SYNPR: variants seen among roughly 807,000 people sequenced by gnomAD.
SYNPR encodes the protein synaptoporin.
Under a neutral mutation model 32.9 loss-of-function variants are expected in SYNPR, and 23 were observed. The observed-to-expected ratio is 0.70, with a 90% CI of 0.50 to 0.99. The LOEUF is 0.99. SYNPR is among the 50% of genes least tolerant of loss of function. The pLI is 0.00. For synonymous variants in SYNPR, 146 were observed against 135.9 expected, an observed-to-expected ratio of 1.07 and a Z score of -0.52; for missense variants, 318 against 349.3, an observed-to-expected ratio of 0.91 and a Z score of 0.71.
At chr3:63,462,977 G>A (rs1173012852) in intron 2 of SYNPR, among the ~76,000 whole-genome samples, 5 of 152,232 alleles carry the variant, frequency 3.3e-5, no homozygotes, top group Admixed American at 3.3e-4. Context: ...TTCCTGTCAG[G>A]CTCCTTTGCT....
intron 4 of SYNPR, among the ~76,000 whole-genome samples, chr3:63,574,254 G>A (rs567361097): frequency 3.2e-4 from 48 of 152,236 alleles, no homozygotes; most frequent in African/African-American, 1.0e-3. Context: ...CATTTTGCCT[G>A]TGGCCTCACA....
chr3:63,445,642 G>A (rs193203299), intron 2 of SYNPR: 1 of 627,658 alleles, frequency 1.6e-6, no homozygotes, highest in Middle Eastern at 2.5e-4. Flanking sequence ...CTTTAATCTT[G>A]ACAAGCACTC....
the SYNPR span, among the ~76,000 whole-genome samples, chr3:63,204,730 C>T: frequency 3.3e-5 from 5 of 152,004 alleles, no homozygotes; most frequent in African/African-American, 7.3e-5. Context: ...GTCACCCAGG[C>T]TGGAGTGCAG....
At chr3:63,470,178 A>AGTATATACT (rs1469406958) in intron 2 of SYNPR, among the ~76,000 whole-genome samples, 1 of 152,220 alleles carries the variant, frequency 6.6e-6, no homozygotes, top group Non-Finnish European at 1.5e-5. Flanking sequence ...TCTGTAAAAA[A>AGTATATACT]GTATATACTG....
At chr3:63,404,692 T>C (rs539352905) in intron 2 of SYNPR, among the ~76,000 whole-genome samples, 7 of 152,256 alleles carry the variant, frequency 4.6e-5, no homozygotes, top group African/African-American at 1.7e-4. Flanking sequence ...ATATTTATTT[T>C]CAAGTAAAAA....
upstream of SYNPR, among the ~76,000 whole-genome samples, chr3:63,274,374 G>A (rs2086558835): frequency 6.6e-6 from 1 of 150,584 alleles, no homozygotes; most frequent in Admixed American, 6.6e-5. Flanking sequence ...GCTTGGTTTT[G>A]TTACTTGATT....
intron 1 of SYNPR, among the ~76,000 whole-genome samples, chr3:63,246,704 CT>C (rs1464093118): frequency 6.6e-6 from 1 of 151,982 alleles, no homozygotes; most frequent in African/African-American, 2.4e-5. Context: ...TATGCAAACC[CT>C]CTGAAGCAGG....
At chr3:63,445,435 C>T in intron 2 of SYNPR, 1 of 616,560 alleles carries the variant, frequency 1.6e-6, no homozygotes, top group Non-Finnish European at 2.9e-6. Context: ...AATATCATAA[C>T]CAGAAAATCT....
rs571005978 is a variant in SYNPR, at chr3:63,420,268, C to G, written c.85-60564C>G. On this transcript the variant is annotated intron_variant, in intron 2 of 5. Coordinates refer to ENST00000478300, the MANE Select transcript of SYNPR (RefSeq NM_001130003.2). ...AAATACAGGAAAGGCCGAGATAATT[C>G]TGAGAGAGAAGACAAAAGAGAGGGC... Among the ~76,000 whole-genome samples, 26 of 152,162 alleles carry G rather than the reference C, an allele frequency of 1.7e-4. No homozygotes were observed. In the South Asian group the frequency reaches 5.2e-3, roughly 30 times the overall value.
intron 3 of SYNPR, among the ~76,000 whole-genome samples, chr3:63,540,973 C>A (rs962825355): frequency 8.3e-6 from 1 of 119,930 alleles, no homozygotes; most frequent in Non-Finnish European, 1.7e-5. Flanking sequence ...ATACATAGTA[C>A]CTGACTGCAG....
intron 2 of SYNPR, among the ~76,000 whole-genome samples, chr3:63,395,659 T>C (rs2088202329): frequency 6.6e-6 from 1 of 152,192 alleles, no homozygotes; most frequent in Non-Finnish European, 1.5e-5. Flanking sequence ...TGTGAGGTAA[T>C]AGTAATAACT....
At chr3:63,486,827 C>T (rs1701164393) in intron 3 of SYNPR, among the ~76,000 whole-genome samples, 1 of 152,110 alleles carries the variant, frequency 6.6e-6, no homozygotes. Context: ...CAGTTCAGGT[C>T]TTATACAAAG....
upstream of SYNPR, among the ~76,000 whole-genome samples, chr3:63,275,917 T>TC (rs2086570196): frequency 6.6e-6 from 1 of 152,014 alleles, no homozygotes; most frequent in Non-Finnish European, 1.5e-5. Context: ...GAACCTAGGG[T>TC]GAAATTTTGG....
chr3:63,559,577 G>T (rs1208021387), intron 4 of SYNPR, among the ~76,000 whole-genome samples: 1 of 151,986 alleles, frequency 6.6e-6, no homozygotes, highest in East Asian at 1.9e-4. Context: ...AGGATAACTG[G>T]GAGAATTCTC....
intron 2 of SYNPR, among the ~76,000 whole-genome samples, chr3:63,300,787 T>C (rs2086837607): frequency 6.6e-6 from 1 of 152,086 alleles, no homozygotes; most frequent in Non-Finnish European, 1.5e-5. Flanking sequence ...TGAAACCATA[T>C]CCTCGCTTAG....
chr3:63,269,711 G>A (rs1032324636), intron 3 of SYNPR, among the ~76,000 whole-genome samples: 1 of 152,154 alleles, frequency 6.6e-6, no homozygotes, highest in African/African-American at 2.4e-5. Context: ...GATATTCTAA[G>A]CACTCCATAT....
At chr3:63,239,968 A>C (rs1018612237) in intron 1 of SYNPR, among the ~76,000 whole-genome samples, 1 of 152,148 alleles carries the variant, frequency 6.6e-6, no homozygotes, top group African/African-American at 2.4e-5. Context: ...GATGGATTTA[A>C]GGCCTTGATA....
At chr3:63,228,698 G>A (rs2086147163) in intron 1 of SYNPR, among the ~76,000 whole-genome samples, 2 of 151,946 alleles carry the variant, frequency 1.3e-5, no homozygotes, top group South Asian at 2.1e-4. Context: ...CAAAGAAAGA[G>A]AGAATTTCCT....
chr3:63,387,428 C>A (rs115950976), intron 2 of SYNPR, among the ~76,000 whole-genome samples: 453 of 152,242 alleles, frequency 3.0e-3, no homozygotes, highest in Admixed American at 4.7e-3. Context: ...CCTCAAAATG[C>A]CACTAGTTTC....
Sources: gnomAD v4.1 joint callset for allele counts (sites outside exome capture counted in the v4.1 genomes callset) on GRCh38, gnomAD v4.1.1 for gene constraint, MANE v1.5 for transcripts, NCBI Gene and HGNC (gene_info 2026-07-23, HGNC 2026-07-21) for gene names.